Variants in MARCHF8 observed in about 807,000 individuals in gnomAD.
The protein encoded by MARCHF8 is membrane associated ring-CH-type finger 8.
A neutral mutation model predicts 51.6 loss-of-function variants in MARCHF8; 40 were observed. That is an observed-to-expected ratio of 0.77 (90% confidence interval 0.60 to 1.01). The LOEUF is 1.01. Ranked by LOEUF, MARCHF8 falls within the 50% of genes least tolerant of loss-of-function variation. The pLI is 0.00. For synonymous variants in MARCHF8, 263 were observed against 280.3 expected (o/e 0.94, Z 0.62); for missense variants, 685 against 708.6 (o/e 0.97, Z 0.38).
intron 2 of MARCHF8, among the ~76,000 whole-genome samples, chr10:45,502,449 C>A (rs538998535): frequency 6.6e-6 from 1 of 152,210 alleles, no homozygotes; most frequent in African/African-American, 2.4e-5. Context: ...AGGACATAAA[C>A]CTATGCATTC....
intron 3 of MARCHF8, among the ~76,000 whole-genome samples, chr10:45,488,232 G>C (rs2043019063): frequency 6.6e-6 from 1 of 152,136 alleles, no homozygotes; most frequent in East Asian, 1.9e-4. Flanking sequence ...CTGTGATCCA[G>C]TTCTGGCCAG....
At chr10:45,518,687 G>GAGCA (rs1022778034) in intron 2 of MARCHF8, among the ~76,000 whole-genome samples, 1 of 152,150 alleles carries the variant, frequency 6.6e-6, no homozygotes, top group African/African-American at 2.4e-5. Flanking sequence ...TTGCCCAAGG[G>GAGCA]AGCATCCTGT....
rs1842648931 is a variant in MARCHF8 at position 45,457,759 on chromosome 10, CTG to C, written c.*478_*479del. The C allele has an allele frequency of 6.5e-6, 1 of 154,970 alleles. No individual in the cohort carries two copies. Among genetic ancestry groups the C allele is most frequent in the South Asian group, 2.0e-4 (1 of 4,898 alleles). The allele number at this position is 154,970 out of a possible 1,614,324, so 9.6% of individuals were successfully genotyped here. The stretch of plus-strand genomic sequence containing the variant: ...GCATCGGCAGAGGGCAGGCAGGAGT[CTG>C]TGTTTGGGGGTCTGTTTCAATACCA... On this transcript the variant is annotated 3_prime_UTR_variant, in exon 8 of 8. Transcript: ENST00000453424.
Position 45,470,259 on chromosome 10 carries a change from G to A in MARCHF8, c.154-5932C>T, listed in dbSNP as rs1207175444. ...GTCTCCCTCCTTCCTGGAGGCCTGGGGAGGACTGCGTTTACACATTCTCTC... is the reference window on the plus strand; with the variant it reads ...GTCTCCCTCCTTCCTGGAGGCCTGGAGAGGACTGCGTTTACACATTCTCTC... On this transcript the variant is annotated intron_variant, in intron 3 of 7. Coordinates refer to ENST00000453424, the MANE Select transcript of MARCHF8 (RefSeq NM_001282866.2). Among the ~76,000 whole-genome samples, 3 of 152,174 alleles carry A rather than the reference G, an allele frequency of 2.0e-5. No homozygotes were observed. The East Asian group carries it at 5.8e-4, about 29-fold the overall frequency.
rs1156278607 is a variant in MARCHF8, at chr10:45,455,957, G to A, written c.*2282C>T. ...CATAGTGGGGTGCCAGCTACATTGGGTGGGATGCCCAGGGGCTGTCCCTAC... is the reference window on the plus strand; with the variant it reads ...CATAGTGGGGTGCCAGCTACATTGGATGGGATGCCCAGGGGCTGTCCCTAC... On this transcript the variant is annotated 3_prime_UTR_variant, in exon 8 of 8. Coordinates refer to ENST00000453424, the MANE Select transcript of MARCHF8 (RefSeq NM_001282866.2). The A allele has an allele frequency of 6.6e-6, 1 of 152,282 alleles. No individual in the cohort carries two copies. Among genetic ancestry groups the A allele is most frequent in the African/African-American group, 2.4e-5 (1 of 41,460 alleles). The allele number at this position is 152,282 out of a possible 1,614,324, so 9.4% of individuals were successfully genotyped here.
rs1162323543 is a variant in MARCHF8, at chr10:45,524,683, GA to G, written c.102+8426del. On this transcript the variant is annotated intron_variant, in intron 2 of 7. Transcript: ENST00000453424. The stretch of plus-strand genomic sequence containing the variant: ...CTGAGAGACCCAACTAATAATACGT[GA>G]TTATAAGGGATTTTTATCCTGCAGA... Among the ~76,000 whole-genome samples the G allele has an allele frequency of 5.3e-5, 8 of 152,282 alleles. No homozygotes were observed. The South Asian group carries it at 8.3e-4, about 16-fold the overall frequency.
chr10:45,554,657 T>A lies in MARCHF8; in HGVS notation c.-78-21368A>T, dbSNP rs1023004189. ...AATGTGGACCAGGTGCAGTGGCTCA[T>A]GCCTGTAATCTTAGCTCTTTGGGAG... On this transcript the variant is annotated intron_variant, in intron 1 of 6. Transcript: ENST00000319836. Among the ~76,000 whole-genome samples the A allele has an allele frequency of 6.6e-5, 10 of 152,320 alleles. No homozygotes were observed. In the South Asian group the frequency reaches 1.7e-3, roughly 25 times the overall value.
chr10:45,558,073 A>G (rs1443667532), intron 1 of MARCHF8, among the ~76,000 whole-genome samples: 1 of 152,210 alleles, frequency 6.6e-6, no homozygotes, highest in Non-Finnish European at 1.5e-5. Context: ...ATCTTTGGTA[A>G]TAGATGAACG....
At chr10:45,566,986 G>A (rs2044371976) in intron 1 of MARCHF8, among the ~76,000 whole-genome samples, 1 of 152,094 alleles carries the variant, frequency 6.6e-6, no homozygotes, top group Non-Finnish European at 1.5e-5. Flanking sequence ...TTAATTAGGT[G>A]AGATATCTCA....
chr10:45,490,395 G>C (rs575158274), intron 2 of MARCHF8, among the ~76,000 whole-genome samples: 1 of 152,266 alleles, frequency 6.6e-6, no homozygotes, highest in Non-Finnish European at 1.5e-5. Context: ...GTAATAAGAG[G>C]AGTTTGTGAC....
chr10:45,467,405 T>C (rs542927409), intron 3 of MARCHF8, among the ~76,000 whole-genome samples: 109 of 152,312 alleles, frequency 7.2e-4, no homozygotes, highest in African/African-American at 2.3e-3. Flanking sequence ...AGAGGCTCCT[T>C]CTGTCACGAT....
chr10:45,527,107 A>G lies in MARCHF8; in HGVS notation c.102+6003T>C, dbSNP rs1220105838. Among the ~76,000 whole-genome samples the G allele has an allele frequency of 3.3e-5, 5 of 152,336 alleles. No homozygotes were observed. In the South Asian group the frequency reaches 8.3e-4, roughly 25 times the overall value. On this transcript the variant is annotated intron_variant, in intron 2 of 7. Transcript: ENST00000453424. The stretch of plus-strand genomic sequence containing the variant: ...CAACATACCAAAACCTCTGGAATAC[A>G]GCAAAAGCTTATAGTGTTGACTGTA...
At chr10:45,485,023 CAGG>C (rs1195399764) in intron 3 of MARCHF8, among the ~76,000 whole-genome samples, 3 of 152,172 alleles carry the variant, frequency 2.0e-5, no homozygotes, top group Non-Finnish European at 4.4e-5. Flanking sequence ...GAAGCTACTG[CAGG>C]AGTTTAGGAG....
intron 3 of MARCHF8, among the ~76,000 whole-genome samples, chr10:45,471,058 T>C (rs2042680251): frequency 6.6e-6 from 1 of 152,196 alleles, no homozygotes; most frequent in African/African-American, 2.4e-5. Flanking sequence ...AGGCAATTAA[T>C]TAAAACTGAC....
chr10:45,479,978 T>C lies in MARCHF8; in HGVS notation c.153+9389A>G, dbSNP rs11528467. On this transcript the variant is annotated intron_variant, in intron 3 of 7. Transcript: ENST00000453424. ...TGGAACTTCCTAGACATTTGTTGAA[T>C]GGCTTTGACCAAAATACTGATCATG... Among the ~76,000 whole-genome samples the C allele has an allele frequency of 2.1e-3, 321 of 152,318 alleles. 11 individuals are homozygous for C. The East Asian group carries it at 0.053, about 25-fold the overall frequency.
chr10:45,538,054 G>A (rs936473248), upstream of MARCHF8, among the ~76,000 whole-genome samples: 7 of 152,106 alleles, frequency 4.6e-5, no homozygotes, highest in African/African-American at 1.4e-4. Context: ...TTAAGAAGGC[G>A]ATAGAAAGAG....
chr10:45,551,852 CACACACACACACAG>C (rs1252404273), intron 1 of MARCHF8, among the ~76,000 whole-genome samples: 1 of 152,074 alleles, frequency 6.6e-6, no homozygotes, highest in Non-Finnish European at 1.5e-5. Flanking sequence ...CACACACACA[CACACACACACACAG>C]ACACACACAC....
chr10:45,568,715 C>CAAAAAAAAAAAAAA (rs71023130), intron 1 of MARCHF8, among the ~76,000 whole-genome samples: 1 of 75,574 alleles, frequency 1.3e-5, no homozygotes, highest in Non-Finnish European at 2.5e-5. Flanking sequence ...GAGACTGTTT[C>CAAAAAAAAAAAAAA]AAAAAAAAAA....
At chr10:45,508,458 T>C (rs997400442) in intron 2 of MARCHF8, among the ~76,000 whole-genome samples, 4 of 152,316 alleles carry the variant, frequency 2.6e-5, no homozygotes, top group African/African-American at 7.2e-5. Context: ...TTAGTTTCTA[T>C]TTATCAAAGT....
Sources: allele counts gnomAD v4.1 joint callset (sites outside exome capture counted in the v4.1 genomes callset), GRCh38; gene constraint gnomAD v4.1.1; transcripts MANE v1.5; gene names NCBI Gene and HGNC (gene_info 2026-07-23, HGNC 2026-07-21).